Variants in DNAH3 observed in about 807,000 individuals in gnomAD.
DNAH3 encodes the protein axonemal beta dynein heavy chain 3.
A neutral mutation model predicts 432.5 loss-of-function variants in DNAH3; 332 were observed. That is an observed-to-expected ratio of 0.77 (90% CI 0.70 to 0.84). The LOEUF is 0.84. Ranked by LOEUF, DNAH3 falls within the 40% of genes least tolerant of loss-of-function variation. The pLI, the probability that DNAH3 is intolerant of heterozygous loss-of-function variation, is 0.00. For synonymous variants in DNAH3, 1,956 were observed against 1,900.2 expected (o/e 1.03, Z -0.76); for missense variants, 4,861 against 5,114.0 (o/e 0.95, Z 1.51).
At position 21,153,996 on chromosome 16, in the gene DNAH3, G is replaced by A. The variant is rs184282851; in HGVS notation, c.117+5329C>T. On this transcript the variant is annotated intron_variant, in intron 1 of 61. Transcript: ENST00000261383. Reference sequence around the variant, plus strand: ...TAGCATTTGGAATAATTGAGACAGTGGGAGAGCTGGAGACTCTGGTTTAGA... The same window carrying A: ...TAGCATTTGGAATAATTGAGACAGTAGGAGAGCTGGAGACTCTGGTTTAGA... Among the ~76,000 whole-genome samples, 526 of 152,340 alleles carry A rather than the reference G, an allele frequency of 3.5e-3. 1 individual carries two copies. Among genetic ancestry groups the A allele is most frequent in the African/African-American group, 0.012 (502 of 41,582 alleles).
chr16:21,079,650 T>A (rs933583481), intron 20 of DNAH3, among the ~76,000 whole-genome samples: 4 of 151,776 alleles, frequency 2.6e-5, no homozygotes, highest in South Asian at 2.1e-4. Flanking sequence ...AAATAAAAAA[T>A]AAATAAATAA....
intron 33 of DNAH3, among the ~76,000 whole-genome samples, chr16:21,038,868 G>A (rs2089294572): frequency 6.6e-6 from 1 of 152,186 alleles, no homozygotes; most frequent in Non-Finnish European, 1.5e-5. Flanking sequence ...CCTAGGAAGG[G>A]TGATATTCTA....
intron 19 of DNAH3, among the ~76,000 whole-genome samples, chr16:21,082,823 A>G (rs1411605883): frequency 1.7e-4 from 5 of 30,128 alleles, no homozygotes; most frequent in African/African-American, 7.4e-4. Context: ...GTGAGACTCC[A>G]TCTCAAAAAA....
At chr16:21,131,571 C>T (rs1280544681) in intron 7 of DNAH3, among the ~76,000 whole-genome samples, 2 of 151,520 alleles carry the variant, frequency 1.3e-5, no homozygotes, top group East Asian at 3.9e-4. Flanking sequence ...AAAGAAAGGC[C>T]GGACGTGGTG....
exon 10 of DNAH3, chr16:21,121,985 G>T: frequency 6.2e-7 from 1 of 1,613,542 alleles, no homozygotes; most frequent in Non-Finnish European, 8.5e-7. Context: ...TTCCAGGAAA[G>T]AGTCACGTAT....
chr16:21,104,370 A>G (rs1189085000), intron 16 of DNAH3, 101 bp downstream of exon 16: 2 of 987,726 alleles, frequency 2.0e-6, no homozygotes. Flanking sequence ...ACACGTTGCC[A>G]TGGAGTGAGC....
intron 37 of DNAH3, among the ~76,000 whole-genome samples, chr16:21,027,382 G>A (rs939980484): frequency 7.2e-5 from 11 of 152,294 alleles, no homozygotes; most frequent in African/African-American, 2.6e-4. Flanking sequence ...TCGAAGTGGT[G>A]AAAAGTGCTC....
chr16:20,985,674 A>G (rs2086157030), exon 48 of DNAH3: 18 of 1,613,958 alleles, frequency 1.1e-5, no homozygotes, highest in Admixed American at 1.7e-5. Context: ...TTCGAATGTT[A>G]TCATCGACTA....
At chr16:21,083,220 T>C (rs2152775758) in intron 19 of DNAH3, among the ~76,000 whole-genome samples, 1 of 152,216 alleles carries the variant, frequency 6.6e-6, no homozygotes, top group Admixed American at 6.5e-5. Context: ...TTCGCCATGT[T>C]GGCCAGACTG....
chr16:21,067,762 G>A (rs57644390), intron 23 of DNAH3, among the ~76,000 whole-genome samples: 8,473 of 49,756 alleles, frequency 0.17, 785 homozygotes, highest in East Asian at 0.43. Context: ...AGTCTTGGGG[G>A]GGGGGGTGGG....
At chr16:20,976,231 T>C (rs188306891) in intron 50 of DNAH3, among the ~76,000 whole-genome samples, 1 of 152,108 alleles carries the variant, frequency 6.6e-6, no homozygotes, top group African/African-American at 2.4e-5. Flanking sequence ...GGAGTCTCAC[T>C]CTATCACCCA....
At position 21,060,933 on chromosome 16, in the gene DNAH3, G is replaced by A. The variant is rs538194048; in HGVS notation, c.3721-577C>T. 5.9e-5 allele frequency among the ~76,000 whole-genome samples: 9 copies of A among 151,282 alleles called. No individual in the cohort carries two copies. The South Asian group carries it at 1.9e-3, about 32-fold the overall frequency. ...GCTCACTGCAGCCTTGAACTCCTGGGCCCAAGTGACTCTCCTGACTCAGCC... is the reference window on the plus strand; with the variant it reads ...GCTCACTGCAGCCTTGAACTCCTGGACCCAAGTGACTCTCCTGACTCAGCC... On this transcript the variant is annotated intron_variant, in intron 25 of 61. Coordinates refer to ENST00000261383, the Ensembl canonical transcript of DNAH3.
chr16:20,985,260 G>A, exon 48 of DNAH3: 1 of 1,614,176 alleles, frequency 6.2e-7, no homozygotes, highest in South Asian at 1.1e-5. Context: ...CCTTGATCTG[G>A]TTGTCGGCGA....
At chr16:20,975,105 A>T in intron 51 of DNAH3, 128 bp downstream of exon 51, 2 of 1,108,816 alleles carry the variant, frequency 1.8e-6, no homozygotes, top group Non-Finnish European at 2.6e-6. Flanking sequence ...TGCTGGGATT[A>T]CAGCTGTGAG....
At chr16:21,104,448 A>G (rs2091903545) in intron 16 of DNAH3, 23 bp downstream of exon 16, 2 of 1,608,652 alleles carry the variant, frequency 1.2e-6, no homozygotes, top group Non-Finnish European at 1.7e-6. Flanking sequence ...CATTTCCAAG[A>G]CAATCCCAGA....
intron 18 of DNAH3, among the ~76,000 whole-genome samples, chr16:21,096,813 G>A (rs1175578645): frequency 1.3e-5 from 2 of 152,078 alleles, no homozygotes; most frequent in Admixed American, 1.3e-4. Flanking sequence ...CTAAGTCTTG[G>A]AGAAGCTAAG....
rs2092715772 is a variant in DNAH3 at position 21,141,310 on chromosome 16, CCT to C, written c.509_510del (p.Glu170GlyfsTer4). 1 of 1,587,852 alleles carries C rather than the reference CCT, an allele frequency of 6.3e-7. No homozygotes were observed. ...ACAGTGATATCTTACCTAGTGGAATCCTCTTTGTTTCTGGAGGAAAACTTCGT... is the reference window on the plus strand; with the variant it reads ...ACAGTGATATCTTACCTAGTGGAATCCTTTGTTTCTGGAGGAAAACTTCGT... On this transcript the variant is annotated frameshift_variant, in exon 4 of 62. Transcript: ENST00000261383. LOFTEE classifies it high-confidence loss of function.
intron 19 of DNAH3, 95 bp downstream of exon 19, chr16:21,086,754 G>T: frequency 9.1e-7 from 1 of 1,095,906 alleles, no homozygotes; most frequent in South Asian, 1.4e-5. Flanking sequence ...TCGGAAAGGA[G>T]AAGCTTGACC....
chr16:20,947,158 G>C (rs1027406973), intron 57 of DNAH3, among the ~76,000 whole-genome samples: 2 of 151,972 alleles, frequency 1.3e-5, no homozygotes, highest in Admixed American at 6.6e-5. Context: ...CCTAGAGAGA[G>C]AGGGTGCTGC....
Sources: allele counts gnomAD v4.1 joint callset (sites outside exome capture counted in the v4.1 genomes callset), GRCh38; gene constraint gnomAD v4.1.1; transcripts MANE v1.5; gene names NCBI Gene and HGNC (gene_info 2026-07-23, HGNC 2026-07-21).